Variants in GLI2 observed in about 807,000 individuals in gnomAD.
The protein encoded by GLI2 is transcription activator GLI2.
GLI2 carries 22 observed loss-of-function variants against 78.9 expected under a neutral mutation model. That is an observed-to-expected ratio of 0.28 (90% CI 0.20 to 0.40). The LOEUF (loss-of-function observed/expected upper bound fraction) is 0.40. Ranked by LOEUF, GLI2 falls within the 10% of genes least tolerant of loss-of-function variation. The pLI, the probability that GLI2 is intolerant of heterozygous loss-of-function variation, is 1.00. For synonymous variants in GLI2, 974 were observed against 963.7 expected (o/e 1.01, Z -0.20); for missense variants, 2,097 against 2,213.2 (o/e 0.95, Z 1.05).
chr2:120,773,899 C>G (rs1683596485), intron 1 of GLI2, among the ~76,000 whole-genome samples: 1 of 136,022 alleles, frequency 7.4e-6, no homozygotes, highest in South Asian at 2.3e-4. Flanking sequence ...CCCTCCCTGC[C>G]TCCCTCCTTC....
chr2:120,879,726 T>C (rs1305997128), intron 2 of GLI2, among the ~76,000 whole-genome samples: 1 of 152,190 alleles, frequency 6.6e-6, no homozygotes, highest in African/African-American at 2.4e-5. Context: ...AACCCATAAT[T>C]ACTACTTAGG....
chr2:120,787,009 G>C (rs1684015695), intron 1 of GLI2, among the ~76,000 whole-genome samples: 2 of 152,228 alleles, frequency 1.3e-5, no homozygotes, highest in South Asian at 4.1e-4. Flanking sequence ...GATGGTGTCT[G>C]TGTCGAGGGT....
intron 7 of GLI2, among the ~76,000 whole-genome samples, chr2:120,971,664 G>A (rs1348637567): frequency 2.6e-5 from 4 of 152,192 alleles, no homozygotes; most frequent in African/African-American, 9.7e-5. Context: ...AGGGCACCCT[G>A]CATTTTCCAA....
rs775750525 is a variant in GLI2, at chr2:120,988,443, C to T, written c.2478C>T (p.Ala826=). ...CCAGCGAGGCCTCGCCCCTGGGCGC[C>T]GGCCGCCCGCACAACGCGAGCTCCG... ...RRSSEASPLG[A]GRPHNASSAD... The change falls in exon 14 of 14, where the codon GCC becomes GCT. Residue 826 remains alanine (A), a synonymous_variant. Transcript: ENST00000361492. 1 of 1,572,184 alleles carries T rather than the reference C, an allele frequency of 6.4e-7. No homozygotes were observed. The highest frequency in any genetic ancestry group is 1.1e-5 in the South Asian group (1 of 87,420).
intron 1 of GLI2, among the ~76,000 whole-genome samples, chr2:120,770,805 A>G (rs1209896209): frequency 6.6e-6 from 1 of 152,032 alleles, no homozygotes; most frequent in East Asian, 1.9e-4. Flanking sequence ...AACTATAATG[A>G]TTATGTTTGG....
chr2:120,923,560 A>G (rs1047219086), intron 2 of GLI2, among the ~76,000 whole-genome samples: 5 of 152,120 alleles, frequency 3.3e-5, no homozygotes, highest in African/African-American at 1.2e-4. Flanking sequence ...CATACAGCAC[A>G]CACATACACA....
intron 1 of GLI2, among the ~76,000 whole-genome samples, chr2:120,788,734 C>G (rs1017272084): frequency 1.3e-5 from 2 of 152,142 alleles, no homozygotes; most frequent in Non-Finnish European, 2.9e-5. Flanking sequence ...ATTCAAGGAG[C>G]GATAAAGAAG....
At chr2:120,924,597 A>C (rs1679569249) in intron 2 of GLI2, among the ~76,000 whole-genome samples, 1 of 152,292 alleles carries the variant, frequency 6.6e-6, no homozygotes, top group Non-Finnish European at 1.5e-5. Flanking sequence ...TGTTGGCAAA[A>C]TACTGAAATC....
At chr2:120,950,806 T>G (rs1680942824) in intron 3 of GLI2, among the ~76,000 whole-genome samples, 1 of 152,244 alleles carries the variant, frequency 6.6e-6, no homozygotes, top group African/African-American at 2.4e-5. Flanking sequence ...CTGTTAGCAG[T>G]ATGAGCTCTT....
At chr2:120,777,565 G>A (rs1435846595) in intron 1 of GLI2, among the ~76,000 whole-genome samples, 2 of 151,788 alleles carry the variant, frequency 1.3e-5, no homozygotes, top group Non-Finnish European at 2.9e-5. Context: ...GAAAGCTTTG[G>A]GGGGTCTCTG....
At chr2:120,916,450 C>A (rs1679101978) in intron 2 of GLI2, among the ~76,000 whole-genome samples, 1 of 152,272 alleles carries the variant, frequency 6.6e-6, no homozygotes, top group South Asian at 2.1e-4. Flanking sequence ...TGGCCTCTTC[C>A]AATGAGCCTT....
At chr2:120,967,780 A>C (rs1681929713) in intron 5 of GLI2, among the ~76,000 whole-genome samples, 1 of 152,238 alleles carries the variant, frequency 6.6e-6, no homozygotes, top group African/African-American at 2.4e-5. Flanking sequence ...ACAGCTTCCC[A>C]GAGCCTCGGG....
intron 2 of GLI2, among the ~76,000 whole-genome samples, chr2:120,834,772 G>A (rs148763152): frequency 9.8e-4 from 149 of 152,212 alleles, no homozygotes; most frequent in African/African-American, 3.6e-3. Context: ...GATGGCTACC[G>A]TGTCATCCAA....
chr2:120,837,393 CA>C (rs768947767), intron 2 of GLI2, among the ~76,000 whole-genome samples: 3,468 of 76,936 alleles, frequency 0.045, 40 homozygotes, highest in African/African-American at 0.087. Flanking sequence ...GACTCCATCT[CA>C]AAAAAAAAAA....
intron 2 of GLI2, among the ~76,000 whole-genome samples, chr2:120,818,637 C>T (rs1307210954): frequency 1.3e-5 from 2 of 152,200 alleles, no homozygotes; most frequent in Admixed American, 6.5e-5. Flanking sequence ...GATAATATTC[C>T]GAGTGAGTCT....
At position 120,858,445 on chromosome 2, in the gene GLI2, G is replaced by C. The variant is rs986355229; in HGVS notation, c.148+60977G>C. ...GGGCATAGATGAAGCTTGGCTCTGG[G>C]TCAGGGCCAAGCTAGTGAACAACAA... is the stretch of plus-strand genomic sequence containing the variant. On this transcript the variant is annotated intron_variant, in intron 2 of 13. Transcript: ENST00000361492. Among the ~76,000 whole-genome samples, 14 of 152,180 alleles carry C rather than the reference G, an allele frequency of 9.2e-5. No homozygotes were observed. In the South Asian group the frequency reaches 1.7e-3, roughly 18 times the overall value.
intron 3 of GLI2, among the ~76,000 whole-genome samples, chr2:120,941,117 C>T (rs1020682782): frequency 1.2e-4 from 19 of 152,334 alleles, no homozygotes; most frequent in Non-Finnish European, 2.1e-4. Context: ...CCTCAGCTCC[C>T]GTACACAGAG....
chr2:120,911,737 G>A (rs1324762337), intron 2 of GLI2, among the ~76,000 whole-genome samples: 1 of 152,088 alleles, frequency 6.6e-6, no homozygotes, highest in Non-Finnish European at 1.5e-5. Context: ...GGGGGTGGCA[G>A]AAGAAAGGTC....
intron 3 of GLI2, among the ~76,000 whole-genome samples, chr2:120,934,516 C>T (rs571258375): frequency 6.6e-6 from 1 of 152,304 alleles, no homozygotes; most frequent in East Asian, 1.9e-4. Context: ...CCCAAGGCCA[C>T]CCTTCCTGGA....
Sources: allele counts gnomAD v4.1 joint callset (sites outside exome capture counted in the v4.1 genomes callset), GRCh38; gene constraint gnomAD v4.1.1; transcripts MANE v1.5; gene names NCBI Gene and HGNC (gene_info 2026-07-23, HGNC 2026-07-21).